Variants in DNAH7 observed in about 807,000 individuals in gnomAD.
The protein encoded by DNAH7 is dynein axonemal heavy chain 7.
DNAH7 carries 397 observed loss-of-function variants against 444.6 expected under a neutral mutation model. That is an observed-to-expected ratio of 0.89 (90% CI 0.82 to 0.97). The LOEUF (loss-of-function observed/expected upper bound fraction) is 0.97, where lower values mean the gene tolerates loss of function less well. DNAH7 is among the 50% of genes least tolerant of loss of function. DNAH7 has a pLI of 0.00. For missense variants in DNAH7, 4,902 were observed against 4,800.8 expected, an observed-to-expected ratio of 1.02 and a Z score of -0.62; for synonymous variants, 1,636 against 1,624.4, an observed-to-expected ratio of 1.01 and a Z score of -0.17.
At chr2:195,968,430 G>A (rs930253651) in intron 17 of DNAH7, among the ~76,000 whole-genome samples, 7 of 152,078 alleles carry the variant, frequency 4.6e-5, no homozygotes, top group African/African-American at 7.2e-5. Flanking sequence ...GATAAGGCCC[G>A]AAATGGGGGC....
rs1159897452 is a variant in DNAH7, at chr2:195,816,894, A to C, written c.9495T>G (p.Asp3165Glu). 5 of 1,614,040 alleles carry C rather than the reference A, an allele frequency of 3.1e-6. No homozygotes were observed. Among genetic ancestry groups the C allele is most frequent in the Admixed American group, 1.7e-5 (1 of 60,010 alleles). Residue 3165 changes from aspartate (D) to glutamate (E), a missense_variant, in exon 51 of 65, where the codon GAT becomes GAG. By Grantham distance (45) the Asp-to-Glu change is conservative. Coordinates refer to ENST00000312428, the MANE Select transcript of DNAH7 (RefSeq NM_018897.3). ...AAGATAATATCTTAATAGCAGTTTCATCTTCTAATATATTGCCTTCCGAAG... is the reference window on the plus strand; with the variant it reads ...AAGATAATATCTTAATAGCAGTTTCCTCTTCTAATATATTGCCTTCCGAAG... Reference protein sequence around the residue: ...LSSSEGNILEDETAIKILSSS... With the variant: ...LSSSEGNILEEETAIKILSSS...
chr2:195,777,178 C>T (rs916677129), intron 59 of DNAH7, among the ~76,000 whole-genome samples: 17 of 152,078 alleles, frequency 1.1e-4, no homozygotes, highest in African/African-American at 3.9e-4. Flanking sequence ...ACATGAGAAC[C>T]AACTTGATTG....
rs751672004 is a variant in DNAH7 at position 195,888,338 on chromosome 2, C to CAG, written c.5325_5326insCT (p.Val1776LeufsTer8). 3.1e-6 allele frequency: 5 copies of CAG among 1,610,756 alleles called. No homozygotes were observed. The East Asian group carries it at 6.7e-5, about 22-fold the overall frequency. On this transcript the variant is annotated frameshift_variant, in exon 33 of 65. Coordinates refer to ENST00000312428, the MANE Select transcript of DNAH7 (RefSeq NM_018897.3). LOFTEE classifies it high-confidence loss of function. ...CCCATTATGAATTCCTTTTGAATAA[C>CAG]ACTGACTGACGCAGGTAACAGATTC... is the stretch of plus-strand genomic sequence containing the variant.
chr2:195,873,588 T>G lies in DNAH7; in HGVS notation c.6393A>C (p.Leu2131Phe). 7.1e-7 allele frequency: 1 copy of G among 1,407,862 alleles called. No homozygotes were observed. The highest frequency in any genetic ancestry group is 9.4e-7 in the Non-Finnish European group (1 of 1,065,722). 87.2% of individuals were successfully genotyped at this position (1,407,862 alleles called of 1,614,324 possible). Residue 2131 changes from leucine (L) to phenylalanine (F), a missense_variant, in exon 39 of 65, where the codon TTA becomes TTC. Leu to Phe is a conservative substitution (Grantham distance 22, BLOSUM62 0). Transcript: ENST00000312428. The stretch of plus-strand genomic sequence containing the variant: ...CTTACCAGATTTCTAAATGCCAAGT[T>G]AAGATTCTAGAGAAGATTGTATACA... Reference protein sequence around the residue: ...KSMYTIFSRILTWHLEICYKF... With the variant: ...KSMYTIFSRIFTWHLEICYKF...
Position 195,972,336 on chromosome 2 carries a change from C to T in DNAH7, c.1964G>A (p.Ser655Asn), listed in dbSNP as rs1310405051. The T allele has an allele frequency of 6.2e-7, 1 of 1,613,940 alleles. No homozygotes were observed. Among genetic ancestry groups the T allele is most frequent in the Admixed American group, 1.7e-5 (1 of 59,988 alleles). ...CATCCTTCCATACCACTGGAAAACA[C>T]TATTATTTAGCCTCATGTCTGCTGG... ...FSPADMRLNN[S>N]VFQWYGRMGE... The change falls in exon 16 of 65, where the codon AGT (serine) becomes AAT (asparagine). Residue 655 changes from serine (S) to asparagine (N), a missense_variant. Ser to Asn is a conservative substitution (Grantham distance 46). Transcript: ENST00000312428.
At chr2:196,061,751 C>T (rs897066349) in intron 1 of DNAH7, among the ~76,000 whole-genome samples, 1 of 152,060 alleles carries the variant, frequency 6.6e-6, no homozygotes, top group African/African-American at 2.4e-5. Context: ...CAAGAAAGAA[C>T]GGGAAGAGGA....
At chr2:195,802,217 T>C (rs973075531) in intron 54 of DNAH7, among the ~76,000 whole-genome samples, 4 of 152,228 alleles carry the variant, frequency 2.6e-5, no homozygotes, top group Non-Finnish European at 5.9e-5. Flanking sequence ...ATTTAAAATC[T>C]GTATAAATTT....
At chr2:195,945,514 C>A (rs1458852983) in intron 19 of DNAH7, among the ~76,000 whole-genome samples, 1 of 152,198 alleles carries the variant, frequency 6.6e-6, no homozygotes, top group Non-Finnish European at 1.5e-5. Context: ...GAAAGCTGGT[C>A]ACTTTCACTT....
intron 15 of DNAH7, among the ~76,000 whole-genome samples, chr2:195,980,983 G>C (rs545758780): frequency 1.3e-5 from 2 of 152,218 alleles, no homozygotes; most frequent in South Asian, 4.2e-4. Flanking sequence ...CATAGTACTA[G>C]AAGTCCTAGC....
chr2:196,064,928 T>C (rs1698341714), intron 1 of DNAH7, among the ~76,000 whole-genome samples: 1 of 152,220 alleles, frequency 6.6e-6, no homozygotes, highest in African/African-American at 2.4e-5. Context: ...ACACAGTTCT[T>C]AGGCATGTAT....
chr2:195,841,323 T>C (rs1574537386), intron 47 of DNAH7, among the ~76,000 whole-genome samples: 1 of 151,828 alleles, frequency 6.6e-6, no homozygotes, highest in South Asian at 2.1e-4. Flanking sequence ...ACAAATCTTT[T>C]GTTGTTCCAT....
intron 24 of DNAH7, among the ~76,000 whole-genome samples, chr2:195,912,037 T>C (rs1345908398): frequency 6.6e-6 from 1 of 152,232 alleles, no homozygotes; most frequent in Non-Finnish European, 1.5e-5. Context: ...AAATACCATC[T>C]CATCTTATCT....
rs185619614 is a variant in DNAH7, at chr2:195,749,715, A to G, written c.11764+4622T>C. On this transcript the variant is annotated intron_variant, in intron 63 of 64. Coordinates refer to ENST00000312428, the MANE Select transcript of DNAH7 (RefSeq NM_018897.3). Reference sequence around the variant, plus strand: ...GATGAAATTGGAAATCATCATTCTCAGTAAACTATCGCAAGAACAAGAAAC... The same window carrying G: ...GATGAAATTGGAAATCATCATTCTCGGTAAACTATCGCAAGAACAAGAAAC... Among the ~76,000 whole-genome samples the G allele has an allele frequency of 0.019, 2,903 of 151,888 alleles. 229 individuals carry two copies. The East Asian group carries it at 0.26, about 14-fold the overall frequency.
intron 19 of DNAH7, among the ~76,000 whole-genome samples, chr2:195,942,108 A>C (rs1387230197): frequency 6.6e-6 from 1 of 152,146 alleles, no homozygotes; most frequent in Non-Finnish European, 1.5e-5. Flanking sequence ...ATTATATAGT[A>C]AGGTAGATGA....
At chr2:195,910,951 T>C (rs1687322697) in intron 24 of DNAH7, among the ~76,000 whole-genome samples, 1 of 152,168 alleles carries the variant, frequency 6.6e-6, no homozygotes, top group Non-Finnish European at 1.5e-5. Flanking sequence ...AATGATAAAT[T>C]AACATTTTGT....
At chr2:195,860,940 G>A (rs767130953) in intron 42 of DNAH7, among the ~76,000 whole-genome samples, 8 of 151,420 alleles carry the variant, frequency 5.3e-5, no homozygotes, top group Non-Finnish European at 8.8e-5. Context: ...AGTACTTAAG[G>A]CTTACCATAT....
At chr2:195,990,829 A>G (rs1333701281) in intron 12 of DNAH7, among the ~76,000 whole-genome samples, 4 of 145,618 alleles carry the variant, frequency 2.7e-5, no homozygotes, top group Non-Finnish European at 3.0e-5. Flanking sequence ...ATATACTTAA[A>G]TATATATACA....
chr2:195,756,019 G>T, intron 62 of DNAH7, 114 bp downstream of exon 62: 1 of 1,084,256 alleles, frequency 9.2e-7, no homozygotes, highest in South Asian at 1.9e-5. Flanking sequence ...GTGGTGATTT[G>T]TGCCTGGGAT....
At chr2:195,823,352 C>T (rs1398960338) in intron 49 of DNAH7, among the ~76,000 whole-genome samples, 1 of 152,158 alleles carries the variant, frequency 6.6e-6, no homozygotes, top group African/African-American at 2.4e-5. Flanking sequence ...GCTGTGTCTT[C>T]CTAGTCACAC....
Sources: allele counts gnomAD v4.1 joint callset (sites outside exome capture counted in the v4.1 genomes callset), GRCh38; gene constraint gnomAD v4.1.1; transcripts MANE v1.5; gene names NCBI Gene and HGNC (gene_info 2026-07-23, HGNC 2026-07-21).